Variants in XRCC1 observed in about 807,000 individuals in gnomAD.
XRCC1 encodes the protein DNA repair protein XRCC1.
XRCC1 carries 52 observed loss-of-function variants against 83.3 expected under a neutral mutation model. The ratio of observed to expected loss-of-function variants is 0.62; its 90% CI spans 0.50 to 0.79. XRCC1 has a LOEUF of 0.79. Among genes scored for constraint, XRCC1 ranks in the 30% least tolerant of loss-of-function variants. The pLI is 0.00. For missense variants in XRCC1, 793 were observed against 823.5 expected (o/e 0.96, Z 0.45); for synonymous variants, 281 against 312.6 (o/e 0.90, Z 1.07).
intron 9 of XRCC1, 21 bp downstream of exon 9, chr19:43,551,996 G>T: frequency 6.2e-7 from 1 of 1,611,962 alleles, no homozygotes; most frequent in Non-Finnish European, 8.5e-7. Context: ...CAGCGGCGCA[G>T]GGAGGGGGGC....
chr19:43,566,878 C>CAAAAAA (rs76309782), intron 2 of XRCC1, among the ~76,000 whole-genome samples: 1 of 98,708 alleles, frequency 1.0e-5, no homozygotes, highest in Non-Finnish European at 1.9e-5. Flanking sequence ...GACTCAATCT[C>CAAAAAA]AAAAAAAAAA....
chr19:43,555,102 G>A (rs555555982), intron 3 of XRCC1: 12 of 247,290 alleles, frequency 4.9e-5, no homozygotes, highest in Non-Finnish European at 8.5e-5. Flanking sequence ...GAACTTTCCC[G>A]GCAGAGAATA....
In XRCC1 at chr19:43,545,871, G is replaced by A. The variant is rs765053443; in HGVS notation, c.1568C>T (p.Thr523Met). ...AGGCTCCTGGTGTTCCTCACTGTCCGTGTTCTCATCCGTGGAGCCTGCATA... is the reference window on the plus strand; with the variant it reads ...AGGCTCCTGGTGTTCCTCACTGTCCATGTTCTCATCCGTGGAGCCTGCATA... ...DPYAGSTDENTDSEEHQEPPD... is the reference protein window; with the variant it reads ...DPYAGSTDENMDSEEHQEPPD... The change falls in exon 14 of 17, where the codon ACG (threonine) becomes ATG (methionine). Residue 523 changes from threonine to methionine, a missense_variant. By Grantham distance (81) the Thr-to-Met change is moderately conservative (BLOSUM62 -1). Coordinates refer to ENST00000262887, the MANE Select transcript of XRCC1 (RefSeq NM_006297.3). The A allele has an allele frequency of 4.3e-5, 70 of 1,613,074 alleles. No individual in the cohort carries two copies. In the Admixed American group the frequency reaches 7.8e-4, roughly 18 times the overall value.
chr19:43,552,232 G>T lies in XRCC1; in HGVS notation c.867C>A (p.Ala289=). The T allele has an allele frequency of 1.2e-6, 2 of 1,612,912 alleles. No homozygotes were observed. Among genetic ancestry groups the T allele is most frequent in the Non-Finnish European group, 1.7e-6 (2 of 1,179,618 alleles). ...TGCCTGTCACTGCCCCCTGTGCTCG[G>T]GCAGGGACTGGGGCTGTGGCTGGGG... ...TRTPATAPVP[A]RAQGAVTGKP... The change falls in exon 9 of 17, where the codon GCC becomes GCA. Residue 289 remains alanine, a synonymous_variant. Coordinates refer to ENST00000262887, the MANE Select transcript of XRCC1 (RefSeq NM_006297.3).
At chr19:43,568,935 C>T (rs996563150) in intron 2 of XRCC1, among the ~76,000 whole-genome samples, 1 of 151,004 alleles carries the variant, frequency 6.6e-6, no homozygotes, top group African/African-American at 2.4e-5. Context: ...TGTCTGTAAT[C>T]CCTGTAATCC....
At chr19:43,557,159 A>G (rs939715301) in intron 3 of XRCC1, among the ~76,000 whole-genome samples, 1 of 151,052 alleles carries the variant, frequency 6.6e-6, no homozygotes, top group Non-Finnish European at 1.5e-5. Flanking sequence ...ATACAAAAAA[A>G]TTAGCTGGGC....
At chr19:43,563,008 A>G (rs1972716021) in intron 2 of XRCC1, among the ~76,000 whole-genome samples, 1 of 152,244 alleles carries the variant, frequency 6.6e-6, no homozygotes, top group Non-Finnish European at 1.5e-5. Context: ...GAACCCAGGC[A>G]GGCTGGCAAC....
intron 2 of XRCC1, among the ~76,000 whole-genome samples, chr19:43,569,390 C>T (rs759700406): frequency 1.3e-5 from 2 of 150,968 alleles, no homozygotes; most frequent in African/African-American, 2.4e-5. Flanking sequence ...GTGGGAGGAT[C>T]GCTTGAGCCC....
Position 43,561,239 on chromosome 19 carries a change from G to A in XRCC1, c.145-219C>T, listed in dbSNP as rs35041493. Among the ~76,000 whole-genome samples, 126 of 152,208 alleles carry A rather than the reference G, an allele frequency of 8.3e-4. No homozygotes were observed. In the East Asian group the frequency reaches 0.022, roughly 27 times the overall value. On this transcript the variant is annotated intron_variant, in intron 2 of 16. Transcript: ENST00000262887. The stretch of plus-strand genomic sequence containing the variant: ...ATAGTCACTGAATGAATGCATACGC[G>A]CCCACCTCACACATACCTGCTTCCC...
chr19:43,544,079 A>G, intron 15 of XRCC1, 65 bp downstream of exon 15: 3 of 1,357,692 alleles, frequency 2.2e-6, no homozygotes, highest in Non-Finnish European at 3.0e-6. Flanking sequence ...CACCCCTCCC[A>G]GCAGGTCCCT....
Position 43,552,785 on chromosome 19 carries a change from TA to T in XRCC1, c.823+11del. The T allele has an allele frequency of 1.3e-6, 2 of 1,590,182 alleles. No homozygotes were observed. The highest frequency in any genetic ancestry group is 2.3e-5 in the South Asian group (2 of 87,314). ...CAGGCCCCTGTGGAAACAAGGGATC[TA>T]GTTAGCTCACATTTAGGTCTCTTGG... On this transcript the variant is annotated intron_variant, in intron 8 of 16. Transcript: ENST00000262887.
chr19:43,556,654 T>C (rs1167676565), intron 3 of XRCC1, among the ~76,000 whole-genome samples: 1 of 151,392 alleles, frequency 6.6e-6, no homozygotes, highest in Admixed American at 6.6e-5. Context: ...AAATACAAAA[T>C]TTAAGCCAGG....
In XRCC1 at chr19:43,553,429, G is replaced by T; in HGVS notation, c.573C>A (p.Phe191Leu). The T allele has an allele frequency of 6.2e-7, 1 of 1,614,196 alleles. No individual in the cohort carries two copies. The highest frequency in any genetic ancestry group is 8.5e-7 in the Non-Finnish European group (1 of 1,180,040). Residue 191 changes from phenylalanine to leucine, a missense_variant, in exon 6 of 17, where the codon TTC (phenylalanine) becomes TTA (leucine). Physicochemically the swap from Phe to Leu is conservative, Grantham distance 22 (BLOSUM62 0). Transcript: ENST00000262887. ...SANSLRPGAL[F>L]FSRINKTSPV... ...GGGATGTCTTGTTGATCCGGCTGAA[G>T]AAGAGAGCCCCCGGCCTCAGAGAGT... is the stretch of plus-strand genomic sequence containing the variant.
At chr19:43,553,704 G>A (rs1378241805) in intron 4 of XRCC1, 21 bp from the exon 5 acceptor site, 4 of 1,520,060 alleles carry the variant, frequency 2.6e-6, no homozygotes, top group Non-Finnish European at 3.5e-6. Flanking sequence ...AGGGGTGGGA[G>A]TCAGGGAGTC....
chr19:43,573,049 C>T (rs1300970906), intron 2 of XRCC1, among the ~76,000 whole-genome samples: 1 of 151,180 alleles, frequency 6.6e-6, no homozygotes, highest in African/African-American at 2.4e-5. Context: ...CCTCCCCGCT[C>T]AGCCTCCCTG....
chr19:43,554,619 C>G (rs949753200), intron 4 of XRCC1, 27 bp downstream of exon 4: 2 of 1,596,792 alleles, frequency 1.3e-6, no homozygotes, highest in Non-Finnish European at 1.7e-6. Context: ...ACCAAGGACT[C>G]TGCACCCTGG....
chr19:43,573,930 C>T (rs1600062602), intron 2 of XRCC1, among the ~76,000 whole-genome samples: 2 of 152,202 alleles, frequency 1.3e-5, no homozygotes, highest in South Asian at 2.1e-4. Context: ...CTTCTTTGGG[C>T]CTCAGTTTCC....
intron 4 of XRCC1, among the ~76,000 whole-genome samples, 189 bp downstream of exon 4, chr19:43,554,457 G>A: frequency 6.6e-6 from 1 of 152,082 alleles, no homozygotes; most frequent in East Asian, 1.9e-4. Context: ...GATTCCTCCG[G>A]GAGATGAAAC....
Position 43,553,697 on chromosome 19 carries a change from G to T in XRCC1, c.415-14C>A. The T allele has an allele frequency of 6.6e-7, 1 of 1,526,504 alleles. No homozygotes were observed. The highest frequency in any genetic ancestry group is 2.0e-5 in the Admixed American group (1 of 49,052). The allele number at this position is 1,526,504 out of a possible 1,614,324, so 94.6% of individuals were successfully genotyped here. A position where few individuals can be genotyped will look rare whatever the true frequency, so the allele number is the denominator to read the frequency against. On this transcript the variant is annotated splice_polypyrimidine_tract_variant and intron_variant, in intron 4 of 16. Transcript: ENST00000262887. ...AAAGGGGGAGTCCTGGGAAAGGAGG[G>T]GTGGGAGTCAGGGAGTCTGGCCCAA...
Sources: allele counts gnomAD v4.1 joint callset (sites outside exome capture counted in the v4.1 genomes callset), GRCh38; gene constraint gnomAD v4.1.1; transcripts MANE v1.5; gene names NCBI Gene and HGNC (gene_info 2026-07-23, HGNC 2026-07-21).